Variants in AOPEP observed in about 807,000 individuals in gnomAD.
AOPEP encodes the protein aminopeptidase O (putative).
A neutral mutation model predicts 98.1 loss-of-function variants in AOPEP; 77 were observed. That is an observed-to-expected ratio of 0.78 (90% CI 0.65 to 0.95). The LOEUF (loss-of-function observed/expected upper bound fraction) is 0.95, where lower values mean the gene tolerates loss of function less well. Ranked by LOEUF, AOPEP falls within the 40% of genes least tolerant of loss-of-function variation. AOPEP has a pLI of 0.00. For synonymous variants in AOPEP, 346 were observed against 365.3 expected (o/e 0.95, Z 0.60); for missense variants, 1,024 against 1,024.7 (o/e 1.00, Z 0.01).
At chr9:94,780,853 T>A (rs1336203031) in intron 3 of AOPEP, among the ~76,000 whole-genome samples, 1 of 152,180 alleles carries the variant, frequency 6.6e-6, no homozygotes, top group East Asian at 1.9e-4. Flanking sequence ...TAGGCCTGAT[T>A]AGCACATTTC....
chr9:95,096,492 T>G, the AOPEP span, among the ~76,000 whole-genome samples: 1 of 152,164 alleles, frequency 6.6e-6, no homozygotes, highest in African/African-American at 2.4e-5. Flanking sequence ...AGAGAGGGTC[T>G]TCACACCGCC....
At chr9:95,145,421 G>A in the AOPEP span, 3 of 152,080 alleles carry the variant, frequency 2.0e-5, no homozygotes, top group Admixed American at 6.6e-5. Context: ...TTGAACAGGC[G>A]GACAGACAGC....
chr9:95,102,586 A>G, the AOPEP span, among the ~76,000 whole-genome samples: 1 of 152,266 alleles, frequency 6.6e-6, no homozygotes, highest in Non-Finnish European at 1.5e-5. Flanking sequence ...CAGTTTATAC[A>G]GAACCCGCAA....
the AOPEP span, among the ~76,000 whole-genome samples, chr9:95,145,967 TA>T: frequency 4.7e-5 from 7 of 149,740 alleles, no homozygotes; most frequent in African/African-American, 1.7e-4. Context: ...TCTGATTCTT[TA>T]TTTTTTTTTA....
At chr9:95,141,311 C>CAAAAA in the AOPEP span, among the ~76,000 whole-genome samples, 1 of 54,880 alleles carries the variant, frequency 1.8e-5, no homozygotes, top group Non-Finnish European at 3.0e-5. Context: ...GACCCTGTCT[C>CAAAAA]AAAAAAAAAA....
Position 94,803,678 on chromosome 9 carries a change from C to T in AOPEP, c.1364+2676C>T, listed in dbSNP as rs117080434. On this transcript the variant is annotated intron_variant, in intron 5 of 16. Coordinates refer to ENST00000375315, the MANE Select transcript of AOPEP (RefSeq NM_001193329.3). ...TTTTCAAACATGGCAGTAACTAGAA[C>T]ATTTATCAATACTGCTCTTCATGAT... 7.1e-3 allele frequency among the ~76,000 whole-genome samples: 1,080 copies of T among 152,292 alleles called. 4 individuals are homozygous for T. The highest frequency in any genetic ancestry group is 0.012 in the Non-Finnish European group (813 of 68,016).
intron 5 of AOPEP, among the ~76,000 whole-genome samples, chr9:94,819,918 T>A (rs985821788): frequency 6.6e-6 from 1 of 150,842 alleles, no homozygotes; most frequent in African/African-American, 2.4e-5. Flanking sequence ...TAAAAGAGCT[T>A]TGAATAATAA....
At chr9:94,845,695 A>T (rs2042776377) in intron 5 of AOPEP, among the ~76,000 whole-genome samples, 1 of 152,118 alleles carries the variant, frequency 6.6e-6, no homozygotes, top group African/African-American at 2.4e-5. Context: ...GATGTGAGAG[A>T]AAAAGAGGTC....
chr9:94,833,374 A>G (rs2041160344), intron 5 of AOPEP, among the ~76,000 whole-genome samples: 1 of 149,798 alleles, frequency 6.7e-6, no homozygotes, highest in South Asian at 2.1e-4. Context: ...AGTAGCTGGG[A>G]TTACAGGTGT....
chr9:95,094,570 A>G, the AOPEP span, among the ~76,000 whole-genome samples: 1 of 152,198 alleles, frequency 6.6e-6, no homozygotes, highest in South Asian at 2.1e-4. Context: ...ATATGAGAGG[A>G]TTCATAAAAT....
intron 13 of AOPEP, among the ~76,000 whole-genome samples, chr9:95,043,259 TAC>T (rs1406868996): frequency 2.0e-5 from 3 of 148,902 alleles, no homozygotes; most frequent in Non-Finnish European, 3.0e-5. Context: ...GATATATATA[TAC>T]ATATATATCT....
At chr9:94,921,789 T>G (rs1454561115) in intron 5 of AOPEP, among the ~76,000 whole-genome samples, 1 of 152,174 alleles carries the variant, frequency 6.6e-6, no homozygotes, top group Non-Finnish European at 1.5e-5. Flanking sequence ...AAATTGCTTT[T>G]CAGGGAGAAG....
chr9:95,131,385 C>T, the AOPEP span, among the ~76,000 whole-genome samples: 7 of 152,234 alleles, frequency 4.6e-5, no homozygotes, highest in South Asian at 2.1e-4. Flanking sequence ...ATGACCCCTA[C>T]GTCCACCCCT....
chr9:95,060,989 A>C lies in AOPEP; in HGVS notation c.2232+179A>C, dbSNP rs1813061211. 9 of 539,150 alleles carry C rather than the reference A, an allele frequency of 1.7e-5. No homozygotes were observed. In the South Asian group the frequency reaches 2.2e-4, roughly 13 times the overall value. The allele number at this position is 539,150 out of a possible 1,614,324, so 33.4% of individuals were successfully genotyped here. ...TGATTATGCTTATGCTTCTAATCAG[A>C]GTATTTTGAGGTCTTAAGTTTTTCC... is the stretch of plus-strand genomic sequence containing the variant. On this transcript the variant is annotated intron_variant, in intron 14 of 16. Transcript: ENST00000375315.
the AOPEP span, chr9:95,117,320 G>A: frequency 6.2e-7 from 1 of 1,614,008 alleles, no homozygotes; most frequent in Non-Finnish European, 8.5e-7. Flanking sequence ...CTCACCTTGA[G>A]GGTCTTGCAG....
rs554630280 is a variant in AOPEP at position 94,937,281 on chromosome 9, G to A, written c.1661+8750G>A. Among the ~76,000 whole-genome samples, 14 of 152,300 alleles carry A rather than the reference G, an allele frequency of 9.2e-5. No individual in the cohort carries two copies. In the East Asian group the frequency reaches 2.5e-3, roughly 27 times the overall value. On this transcript the variant is annotated intron_variant, in intron 7 of 16. Coordinates refer to ENST00000375315, the MANE Select transcript of AOPEP (RefSeq NM_001193329.3). Reference sequence around the variant, plus strand: ...TTTTAGAAATTATATGCCAGGAAACGAGGACAAAAACCAAATATACACTCC... The same window carrying A: ...TTTTAGAAATTATATGCCAGGAAACAAGGACAAAAACCAAATATACACTCC...
At position 95,086,906 on chromosome 9, in the gene AOPEP, G is replaced by A. The variant is rs2070760203; in HGVS notation, c.*229G>A. On this transcript the variant is annotated 3_prime_UTR_variant, in exon 17 of 17. Coordinates refer to ENST00000375315, the MANE Select transcript of AOPEP (RefSeq NM_001193329.3). ...CCTCCCTCCCTGGAGGCTGCCTCCT[G>A]CCCTGGATCTGGAGTGGAGCTGCTC... 1 of 987,706 alleles carries A rather than the reference G, an allele frequency of 1.0e-6. No individual in the cohort carries two copies. The highest frequency in any genetic ancestry group is 1.7e-5 in the African/African-American group (1 of 57,286). 61.2% of individuals were successfully genotyped at this position (987,706 alleles called of 1,614,324 possible). A position where few individuals can be genotyped will look rare whatever the true frequency, so the allele number is the denominator to read the frequency against.
At chr9:94,761,517 G>A (rs1838289563) in intron 2 of AOPEP, among the ~76,000 whole-genome samples, 1 of 152,176 alleles carries the variant, frequency 6.6e-6, no homozygotes, top group Admixed American at 6.5e-5. Context: ...TTCTTTTATA[G>A]CGTTGTATTT....
chr9:94,923,075 A>AT (rs1197624578), intron 5 of AOPEP, among the ~76,000 whole-genome samples: 5 of 152,122 alleles, frequency 3.3e-5, no homozygotes, highest in South Asian at 2.1e-4. Flanking sequence ...TGGAGGAGAG[A>AT]TTTTTTTAAG....
Sources: allele counts gnomAD v4.1 joint callset (sites outside exome capture counted in the v4.1 genomes callset), GRCh38; gene constraint gnomAD v4.1.1; transcripts MANE v1.5; gene names NCBI Gene and HGNC (gene_info 2026-07-23, HGNC 2026-07-21).